Variants in PTPRT observed in about 807,000 individuals in gnomAD.
The protein encoded by PTPRT is protein tyrosine phosphatase receptor type T, also known as receptor-type tyrosine-protein phosphatase T.
A neutral mutation model predicts 176.8 loss-of-function variants in PTPRT; 56 were observed. The ratio of observed to expected loss-of-function variants is 0.32; its 90% CI spans 0.26 to 0.40. The LOEUF is 0.40. Ranked by LOEUF, PTPRT falls within the 10% of genes least tolerant of loss-of-function variation. PTPRT has a pLI of 1.00. For synonymous variants in PTPRT, 783 were observed against 739.0 expected, an observed-to-expected ratio of 1.06 and a Z score of -0.96; for missense variants, 1,540 against 1,908.2, an observed-to-expected ratio of 0.81 and a Z score of 3.60.
At chr20:42,419,150 G>C (rs151337536) in intron 9 of PTPRT, among the ~76,000 whole-genome samples, 2 of 152,330 alleles carry the variant, frequency 1.3e-5, no homozygotes, top group East Asian at 3.9e-4. Flanking sequence ...GACGACTTTT[G>C]TGTGTCCCTC....
At chr20:42,718,773 C>G (rs1338679054) in intron 6 of PTPRT, among the ~76,000 whole-genome samples, 1 of 152,110 alleles carries the variant, frequency 6.6e-6, no homozygotes, top group Non-Finnish European at 1.5e-5. Context: ...GTATCTCGAT[C>G]AGGATGTTGT....
intron 7 of PTPRT, among the ~76,000 whole-genome samples, chr20:42,656,854 T>A (rs2145987166): frequency 6.6e-6 from 1 of 152,178 alleles, no homozygotes; most frequent in East Asian, 1.9e-4. Flanking sequence ...CCTTTTCACC[T>A]ATCATATGAC....
chr20:42,747,340 A>G (rs2076705347), intron 6 of PTPRT, among the ~76,000 whole-genome samples: 1 of 152,222 alleles, frequency 6.6e-6, no homozygotes, highest in Non-Finnish European at 1.5e-5. Flanking sequence ...TCTATATGCC[A>G]GGTACTGACT....
At chr20:43,091,520 T>TTC (rs763714698) in intron 1 of PTPRT, among the ~76,000 whole-genome samples, 6,358 of 130,722 alleles carry the variant, frequency 0.049, 212 homozygotes, top group Non-Finnish European at 0.078. Context: ...CCCCCTCTCT[T>TTC]TCTCTCTCTC....
chr20:42,658,181 A>T (rs2075160843), intron 7 of PTPRT, among the ~76,000 whole-genome samples: 1 of 152,184 alleles, frequency 6.6e-6, no homozygotes, highest in Non-Finnish European at 1.5e-5. Flanking sequence ...CTCTGCTCAC[A>T]ATGCTTTTGT....
chr20:42,274,142 T>G (rs2056985412), intron 13 of PTPRT, among the ~76,000 whole-genome samples: 1 of 152,242 alleles, frequency 6.6e-6, no homozygotes, highest in Non-Finnish European at 1.5e-5. Context: ...CCATCTATCC[T>G]TGGGCATAGG....
chr20:42,172,103 C>A (rs1990102676), intron 16 of PTPRT, among the ~76,000 whole-genome samples: 1 of 151,864 alleles, frequency 6.6e-6, no homozygotes, highest in South Asian at 2.1e-4. Context: ...GAATATGAAC[C>A]ATTGCAATAA....
intron 9 of PTPRT, among the ~76,000 whole-genome samples, chr20:42,372,895 C>T (rs2145605298): frequency 6.6e-6 from 1 of 152,320 alleles, no homozygotes; most frequent in South Asian, 2.1e-4. Flanking sequence ...GCCTCCAGAA[C>T]TGCAAGAAAA....
intron 2 of PTPRT, among the ~76,000 whole-genome samples, chr20:42,799,934 C>A (rs1156975852): frequency 2.6e-5 from 4 of 152,208 alleles, no homozygotes; most frequent in African/African-American, 9.6e-5. Context: ...TACCTAGACT[C>A]TCTCTGAAGA....
chr20:42,773,731 T>G (rs1429338520), intron 4 of PTPRT, among the ~76,000 whole-genome samples: 2 of 152,206 alleles, frequency 1.3e-5, no homozygotes, highest in African/African-American at 2.4e-5. Context: ...ATTCTTAAAA[T>G]GGGAATAGAG....
At chr20:43,131,552 C>T (rs2013648187) in intron 1 of PTPRT, among the ~76,000 whole-genome samples, 1 of 152,160 alleles carries the variant, frequency 6.6e-6, no homozygotes, top group South Asian at 2.1e-4. Flanking sequence ...TACTTACTTA[C>T]TTTCTATTTC....
intron 9 of PTPRT, among the ~76,000 whole-genome samples, chr20:42,367,584 T>C (rs1011769870): frequency 6.6e-6 from 1 of 152,118 alleles, no homozygotes; most frequent in Non-Finnish European, 1.5e-5. Flanking sequence ...AGATGATAAG[T>C]TCTCTAGAAA....
intron 7 of PTPRT, among the ~76,000 whole-genome samples, chr20:42,566,038 T>C (rs947583197): frequency 2.0e-5 from 3 of 152,124 alleles, no homozygotes; most frequent in African/African-American, 7.2e-5. Context: ...TCCTACCCTA[T>C]GTTGGCTATG....
At chr20:43,170,876 T>TA (rs1186568099) in intron 1 of PTPRT, among the ~76,000 whole-genome samples, 6 of 152,222 alleles carry the variant, frequency 3.9e-5, no homozygotes, top group Non-Finnish European at 7.3e-5. Context: ...TCTTCAACAA[T>TA]ATAGTCAATC....
chr20:42,932,785 AAAC>A (rs1348955713), intron 1 of PTPRT, among the ~76,000 whole-genome samples: 3 of 152,226 alleles, frequency 2.0e-5, no homozygotes, highest in Non-Finnish European at 4.4e-5. Context: ...GTTACTTCTG[AAAC>A]AACCGCTCCA....
At chr20:42,295,633 T>TGAGA (rs554284179) in intron 12 of PTPRT, among the ~76,000 whole-genome samples, 23 of 150,180 alleles carry the variant, frequency 1.5e-4, no homozygotes, top group Middle Eastern at 3.5e-3. Flanking sequence ...AACTAAAAAT[T>TGAGA]GAGAGAGAGA....
rs1269434876 is a variant in PTPRT at position 42,080,833 on chromosome 20, G to A, written c.*46C>T. Reference sequence around the variant, plus strand: ...CTGCCATTCACACAAAAGGGGGCTTGGTCACAGCAGCCTCTGGACTCCGGC... The same window carrying A: ...CTGCCATTCACACAAAAGGGGGCTTAGTCACAGCAGCCTCTGGACTCCGGC... On this transcript the variant is annotated 3_prime_UTR_variant, in exon 31 of 31. Coordinates refer to ENST00000373187, the MANE Select transcript of PTPRT (RefSeq NM_007050.6). 3.2e-6 allele frequency: 5 copies of A among 1,562,016 alleles called. No individual in the cohort carries two copies. Among genetic ancestry groups the A allele is most frequent in the Non-Finnish European group, 3.5e-6 (4 of 1,134,734 alleles).
chr20:42,659,570 G>A (rs1189448570), intron 7 of PTPRT, among the ~76,000 whole-genome samples: 2 of 152,216 alleles, frequency 1.3e-5, no homozygotes, highest in Non-Finnish European at 2.9e-5. Flanking sequence ...TTCCCAGCCT[G>A]TGGGAGGTCT....
intron 6 of PTPRT, among the ~76,000 whole-genome samples, chr20:42,729,683 G>A (rs2076431913): frequency 6.6e-6 from 1 of 152,196 alleles, no homozygotes; most frequent in South Asian, 2.1e-4. Flanking sequence ...TTGGTCCCTG[G>A]CTGTGAGACA....
Sources: allele counts gnomAD v4.1 joint callset (sites outside exome capture counted in the v4.1 genomes callset), GRCh38; gene constraint gnomAD v4.1.1; transcripts MANE v1.5; gene names NCBI Gene and HGNC (gene_info 2026-07-23, HGNC 2026-07-21).